The following CHST11 variants were observed in gnomAD, a reference collection of about 807,000 sequenced individuals.
CHST11 encodes carbohydrate sulfotransferase 11.
A neutral mutation model predicts 30.4 loss-of-function variants in CHST11; 9 were observed. The ratio of observed to expected loss-of-function variants is 0.30; its 90% CI spans 0.18 to 0.52. The LOEUF (loss-of-function observed/expected upper bound fraction) is 0.52, where lower values mean the gene tolerates loss of function less well. CHST11 is among the 20% of genes least tolerant of loss of function. The probability of loss-of-function intolerance (pLI) is 0.97; values close to 1 mark genes in which losing one functional copy is unlikely to be tolerated. For synonymous variants in CHST11, 152 were observed against 187.8 expected, an observed-to-expected ratio of 0.81 and a Z score of 1.56; for missense variants, 348 against 460.6, an observed-to-expected ratio of 0.76 and a Z score of 2.24.
At position 104,457,406 on chromosome 12, in the gene CHST11, A is replaced by G. The variant is rs1188870145; in HGVS notation, c.-6A>G. 6.2e-7 allele frequency: 1 copy of G among 1,610,334 alleles called. No individual in the cohort carries two copies. The highest frequency in any genetic ancestry group is 8.5e-7 in the Non-Finnish European group (1 of 1,176,804). On this transcript the variant is annotated 5_prime_UTR_variant, in exon 1 of 3. Coordinates refer to ENST00000303694, the MANE Select transcript of CHST11 (RefSeq NM_018413.6). ...ACACCCCGGTCCCCGCAGCCAGGAC[A>G]AAGCCATGAAGCCAGCGCTGCTGGA... is the stretch of plus-strand genomic sequence containing the variant.
chr12:104,511,744 A>G (rs1357661674), intron 1 of CHST11, among the ~76,000 whole-genome samples: 1 of 152,190 alleles, frequency 6.6e-6, no homozygotes, highest in Non-Finnish European at 1.5e-5. Flanking sequence ...GACTAGGCAC[A>G]CTATCACTTT....
intron 2 of CHST11, among the ~76,000 whole-genome samples, chr12:104,752,794 G>T (rs550404243): frequency 9.9e-5 from 15 of 152,212 alleles, no homozygotes; most frequent in Non-Finnish European, 2.2e-4. Flanking sequence ...CTCCCAAAGT[G>T]CTGGGATTAC....
At chr12:104,559,639 A>C (rs2038493242) in intron 1 of CHST11, among the ~76,000 whole-genome samples, 1 of 152,218 alleles carries the variant, frequency 6.6e-6, no homozygotes, top group African/African-American at 2.4e-5. Flanking sequence ...GCTACTCTGG[A>C]GGCTGAAGTG....
Position 104,746,659 on chromosome 12 carries a change from C to T in CHST11, c.205-10290C>T, listed in dbSNP as rs2040390938. Among the ~76,000 whole-genome samples, 2 of 152,324 alleles carry T rather than the reference C, an allele frequency of 1.3e-5. 1 individual carries two copies. The highest frequency in any genetic ancestry group is 4.1e-4 in the South Asian group (2 of 4,824). On this transcript the variant is annotated intron_variant, in intron 2 of 2. Coordinates refer to ENST00000303694, the MANE Select transcript of CHST11 (RefSeq NM_018413.6). ...GTTGTTCCTTGCAGTCAAACAGGTG[C>T]TTCCCTAGTGACAAGTTACAATCCA...
At chr12:104,555,174 G>C (rs1286999607) in intron 1 of CHST11, among the ~76,000 whole-genome samples, 1 of 152,210 alleles carries the variant, frequency 6.6e-6, no homozygotes, top group Non-Finnish European at 1.5e-5. Context: ...AGGGAGGCAG[G>C]TAGCAGTCGA....
At chr12:104,470,623 A>G (rs558899379) in intron 1 of CHST11, among the ~76,000 whole-genome samples, 2 of 152,350 alleles carry the variant, frequency 1.3e-5, no homozygotes, top group East Asian at 3.9e-4. Flanking sequence ...ACCACTTACC[A>G]AATACTTGCT....
At chr12:104,704,444 C>T (rs78037778) in intron 2 of CHST11, among the ~76,000 whole-genome samples, 5,667 of 152,176 alleles carry the variant, frequency 0.037, 323 homozygotes, top group East Asian at 0.31. Flanking sequence ...GGGCTCTCCC[C>T]GCCTCACCTG....
intron 1 of CHST11, among the ~76,000 whole-genome samples, chr12:104,569,329 T>C (rs559744557): frequency 3.9e-4 from 60 of 152,282 alleles, no homozygotes; most frequent in African/African-American, 1.4e-3. Flanking sequence ...TCAGAATATT[T>C]TATATTCTGA....
At chr12:104,724,286 G>A (rs2040200620) in intron 2 of CHST11, among the ~76,000 whole-genome samples, 1 of 110,774 alleles carries the variant, frequency 9.0e-6, no homozygotes, top group African/African-American at 3.3e-5. Context: ...TCAGGAGGAT[G>A]GCTACCAGGG....
chr12:104,621,774 G>C (rs973596934), intron 2 of CHST11, among the ~76,000 whole-genome samples: 2 of 152,214 alleles, frequency 1.3e-5, no homozygotes, highest in Admixed American at 6.5e-5. Flanking sequence ...CTTCAGAATG[G>C]AAGCAGTTGT....
At chr12:104,563,233 T>G (rs1227807601) in intron 1 of CHST11, among the ~76,000 whole-genome samples, 8 of 152,096 alleles carry the variant, frequency 5.3e-5, no homozygotes, top group Non-Finnish European at 8.8e-5. Context: ...TAGAGATGGT[T>G]TTGCCTGTTG....
chr12:104,682,765 T>G (rs1198672809), intron 2 of CHST11, among the ~76,000 whole-genome samples: 2 of 152,274 alleles, frequency 1.3e-5, no homozygotes, highest in Non-Finnish European at 1.5e-5. Flanking sequence ...AAATAAATTC[T>G]GCCCCATGGC....
chr12:104,673,558 C>T (rs557994488), intron 2 of CHST11, among the ~76,000 whole-genome samples: 14 of 152,250 alleles, frequency 9.2e-5, no homozygotes, highest in South Asian at 2.1e-4. Context: ...TACAGTGCTT[C>T]GAGTGCTATC....
chr12:104,756,366 A>T (rs1197052356), intron 2 of CHST11, among the ~76,000 whole-genome samples: 5 of 152,260 alleles, frequency 3.3e-5, no homozygotes, highest in African/African-American at 9.6e-5. Context: ...TTTTGCTCTT[A>T]GAATTCAGAG....
chr12:104,503,643 C>G (rs1019040021), intron 1 of CHST11, among the ~76,000 whole-genome samples: 1 of 152,170 alleles, frequency 6.6e-6, no homozygotes, highest in Non-Finnish European at 1.5e-5. Context: ...TGCCTGGGCC[C>G]TGTATCTTGT....
chr12:104,752,597 G>A (rs200555887), intron 2 of CHST11, among the ~76,000 whole-genome samples: 7 of 152,028 alleles, frequency 4.6e-5, no homozygotes, highest in East Asian at 3.9e-4. Context: ...CCGCGATCGC[G>A]GCTCATTGCA....
chr12:104,466,868 C>T (rs1007916197), intron 1 of CHST11, among the ~76,000 whole-genome samples: 1 of 152,136 alleles, frequency 6.6e-6, no homozygotes, highest in Non-Finnish European at 1.5e-5. Flanking sequence ...TGGATAATTC[C>T]GTTGGCTGAC....
At chr12:104,686,721 C>T (rs1276724815) in intron 2 of CHST11, among the ~76,000 whole-genome samples, 1 of 152,180 alleles carries the variant, frequency 6.6e-6, no homozygotes, top group African/African-American at 2.4e-5. Flanking sequence ...GATCTCAGCT[C>T]ACCGTAACCT....
chr12:104,496,026 G>A (rs112979174), intron 1 of CHST11, among the ~76,000 whole-genome samples: 4 of 152,340 alleles, frequency 2.6e-5, no homozygotes, highest in African/African-American at 9.6e-5. Flanking sequence ...ACTTAAGCGA[G>A]GGCTTTAGAA....
Sources: allele counts gnomAD v4.1 joint callset (sites outside exome capture counted in the v4.1 genomes callset), GRCh38; gene constraint gnomAD v4.1.1; transcripts MANE v1.5; gene names NCBI Gene and HGNC (gene_info 2026-07-23, HGNC 2026-07-21).